ZIM3: variants seen among roughly 807,000 people sequenced by gnomAD.
ZIM3 encodes zinc finger protein 657.
ZIM3 carries 11 observed loss-of-function variants against 12.9 expected under a neutral mutation model. That is an observed-to-expected ratio of 0.85 (90% CI 0.54 to 1.41). ZIM3 has a LOEUF of 1.41. Among genes scored for constraint, ZIM3 ranks in the 40% most tolerant of loss-of-function variants. The pLI is 0.00. For synonymous variants in ZIM3, 205 were observed against 198.5 expected (o/e 1.03, Z -0.28); for missense variants, 604 against 557.2 (o/e 1.08, Z -0.85).
intron 1 of ZIM3, among the ~76,000 whole-genome samples, chr19:57,143,266 G>A (rs1568460103): frequency 6.6e-6 from 1 of 151,526 alleles, no homozygotes. Context: ...GGGAGGCGGA[G>A]CTTGCAGTGA....
chr19:57,137,558 C>T (rs1178848243), intron 3 of ZIM3, among the ~76,000 whole-genome samples: 5 of 150,828 alleles, frequency 3.3e-5, no homozygotes. Flanking sequence ...GCAAAAAATA[C>T]AAAAATTAGC....
chr19:57,139,905 C>T (rs968697182), intron 2 of ZIM3, among the ~76,000 whole-genome samples: 2 of 152,080 alleles, frequency 1.3e-5, no homozygotes, highest in South Asian at 2.1e-4. Flanking sequence ...CAGGGGCCAG[C>T]GTCTGGCATG....
chr19:57,138,550 A>G lies in ZIM3; in HGVS notation c.64T>C (p.Trp22Arg), dbSNP rs749562671. The change falls in exon 3 of 5, where the codon TGG becomes CGG. Residue 22 changes from tryptophan (W) to arginine (R), a missense_variant. Trp to Arg is a moderately radical substitution (Grantham distance 101). Coordinates refer to ENST00000269834, the MANE Select transcript of ZIM3 (RefSeq NM_052882.1). ...DVTVNFTQGEWQRLNPEQRNL... is the reference protein window; with the variant it reads ...DVTVNFTQGERQRLNPEQRNL... The stretch of plus-strand genomic sequence containing the variant: ...CTCTGTTCGGGATTCAGCCGCTGCC[A>G]CTCCCCCTGGGTGAAGTTCACAGTG... 6.2e-7 allele frequency: 1 copy of G among 1,613,366 alleles called. No individual in the cohort carries two copies. Among genetic ancestry groups the G allele is most frequent in the East Asian group, 2.2e-5 (1 of 44,834 alleles).
intron 3 of ZIM3, among the ~76,000 whole-genome samples, chr19:57,137,870 AGAAGGAAGGAAG>A (rs1399348456): frequency 3.2e-5 from 1 of 31,232 alleles, no homozygotes; most frequent in African/African-American, 1.9e-4. Context: ...AAGGAAGGAA[AGAAGGAAGGAAG>A]GAAGGAAAGA....
chr19:57,141,251 C>G (rs149564570), intron 2 of ZIM3, among the ~76,000 whole-genome samples: 4 of 151,694 alleles, frequency 2.6e-5, no homozygotes, highest in African/African-American at 9.7e-5. Flanking sequence ...AAAAATTAGC[C>G]GGGCGTGGGC....
chr19:57,136,754 G>A, intron 4 of ZIM3, 119 bp downstream of exon 4: 1 of 733,042 alleles, frequency 1.4e-6, no homozygotes, highest in East Asian at 2.6e-5. Context: ...AAAAATACCT[G>A]GAGATTTCTT....
intron 1 of ZIM3, among the ~76,000 whole-genome samples, chr19:57,143,094 G>A (rs1290722349): frequency 1.3e-5 from 2 of 152,032 alleles, no homozygotes; most frequent in Non-Finnish European, 2.9e-5. Flanking sequence ...TTGGGAGGCC[G>A]AGGCAGGCGG....
At chr19:57,143,217 G>C (rs1045806698) in intron 1 of ZIM3, among the ~76,000 whole-genome samples, 1 of 151,976 alleles carries the variant, frequency 6.6e-6, no homozygotes, top group Admixed American at 6.6e-5. Flanking sequence ...TGTAGTCCCA[G>C]CTACTCGGGA....
intron 2 of ZIM3, among the ~76,000 whole-genome samples, chr19:57,138,969 T>C (rs2086901923): frequency 6.6e-6 from 1 of 152,100 alleles, no homozygotes; most frequent in Non-Finnish European, 1.5e-5. Flanking sequence ...GGCAGGAGGA[T>C]TGCTTGAGGC....
In ZIM3 at chr19:57,134,840, G is replaced by T. The variant is rs1391440334; in HGVS notation, c.*78C>A. ...TTCAAAAATAGCCTCCAAATTAGAG[G>T]CCATTTCAACATGGAATTCTGGGGT... On this transcript the variant is annotated 3_prime_UTR_variant, in exon 5 of 5. Coordinates refer to ENST00000269834, the MANE Select transcript of ZIM3 (RefSeq NM_052882.1). 1 of 1,435,212 alleles carries T rather than the reference G, an allele frequency of 7.0e-7. No homozygotes were observed. Among genetic ancestry groups the T allele is most frequent in the Non-Finnish European group, 9.4e-7 (1 of 1,059,070 alleles). 88.9% of individuals were successfully genotyped at this position (1,435,212 alleles called of 1,614,324 possible).
chr19:57,143,675 C>CTTT (rs71186226), intron 1 of ZIM3, among the ~76,000 whole-genome samples: 209 of 138,976 alleles, frequency 1.5e-3, no homozygotes, highest in African/African-American at 5.0e-3. Context: ...CCAGGAGTTA[C>CTTT]TTTTTTTTTT....
intron 2 of ZIM3, among the ~76,000 whole-genome samples, chr19:57,139,536 G>A (rs1277526290): frequency 4.6e-5 from 7 of 151,726 alleles, no homozygotes; most frequent in East Asian, 1.9e-4. Flanking sequence ...GACCAGCCTC[G>A]TCAACATGGT....
chr19:57,144,400 C>T (rs2086928224), intron 1 of ZIM3, among the ~76,000 whole-genome samples: 1 of 151,878 alleles, frequency 6.6e-6, no homozygotes, highest in Non-Finnish European at 1.5e-5. Context: ...ATAAACTTGC[C>T]GGGCACAACT....
intron 2 of ZIM3, among the ~76,000 whole-genome samples, chr19:57,140,257 A>G (rs1390540908): frequency 6.6e-5 from 10 of 150,898 alleles, no homozygotes; most frequent in African/African-American, 2.4e-4. Context: ...GCTCACTGCA[A>G]CCTCCACCTC....
At chr19:57,142,732 G>C (rs529682908) in intron 1 of ZIM3, 47 bp from the exon 2 acceptor site, 2 of 1,493,848 alleles carry the variant, frequency 1.3e-6, no homozygotes, top group South Asian at 1.2e-5. Flanking sequence ...ATTCGCTTTG[G>C]AAGTTGGGGA....
At position 57,145,142 on chromosome 19, in the gene ZIM3, C is replaced by T. The variant is rs2086931757; in HGVS notation, c.-326G>A. On this transcript the variant is annotated 5_prime_UTR_variant, in exon 1 of 5. The change abolishes an upstream ATG in the 5' untranslated region. Transcript: ENST00000269834. ...ACTTCTCCAAAACTGAATGAACTCT[C>T]ATAAAAATTGTGATTGTGAAAGCTT... The T allele has an allele frequency of 6.6e-6, 1 of 152,176 alleles. No homozygotes were observed. Among genetic ancestry groups the T allele is most frequent in the South Asian group, 2.1e-4 (1 of 4,830 alleles). 9.4% of individuals were successfully genotyped at this position (152,176 alleles called of 1,614,324 possible).
rs1290625288 is a variant in ZIM3 at position 57,134,174 on chromosome 19, T to A, written c.*744A>T. ...CATGCTCAGGAGAGAAAGCTGTACTTCCTGGATGTGGTTTCCAGTCCCCTA... is the reference window on the plus strand; with the variant it reads ...CATGCTCAGGAGAGAAAGCTGTACTACCTGGATGTGGTTTCCAGTCCCCTA... On this transcript the variant is annotated 3_prime_UTR_variant, in exon 5 of 5. Transcript: ENST00000269834. 6.6e-6 allele frequency: 1 copy of A among 152,232 alleles called. No individual in the cohort carries two copies. Among genetic ancestry groups the A allele is most frequent in the Non-Finnish European group, 1.5e-5 (1 of 68,046 alleles). The allele number at this position is 152,232 out of a possible 1,614,324, so 9.4% of individuals were successfully genotyped here.
rs754701418 is a variant in ZIM3, at chr19:57,135,889, C to A, written c.448G>T (p.Gly150Ter). Residue 150 changes from glycine to a stop codon, truncating the protein, a stop_gained, in exon 5 of 5, where the codon GGA becomes TGA. Coordinates refer to ENST00000269834, the MANE Select transcript of ZIM3 (RefSeq NM_052882.1). LOFTEE classifies it low-confidence loss of function (END_TRUNC). ...TTATTGCCAACTAATTTTCTGTATC[C>A]ATTATCATCGTGAGAATTATTTTGT... The part of the protein sequence containing the change: ...YVQNNSHDDN[G>*]YRKLVGNNPS... The A allele has an allele frequency of 6.2e-7, 1 of 1,614,104 alleles. No homozygotes were observed. The highest frequency in any genetic ancestry group is 8.5e-7 in the Non-Finnish European group (1 of 1,180,028).
chr19:57,143,951 T>C (rs1404536129), intron 1 of ZIM3, among the ~76,000 whole-genome samples: 2 of 152,026 alleles, frequency 1.3e-5, no homozygotes, highest in Non-Finnish European at 2.9e-5. Flanking sequence ...GCTGGGATTA[T>C]AGGCGTGAAC....
Sources: gnomAD v4.1 joint callset for allele counts (sites outside exome capture counted in the v4.1 genomes callset) on GRCh38, gnomAD v4.1.1 for gene constraint, MANE v1.5 for transcripts, NCBI Gene and HGNC (gene_info 2026-07-23, HGNC 2026-07-21) for gene names.